Variants in YES1 observed in about 807,000 individuals in gnomAD.
YES1 encodes tyrosine-protein kinase Yes.
YES1 carries 39 observed loss-of-function variants against 70.4 expected under a neutral mutation model. The ratio of observed to expected loss-of-function variants is 0.55; its 90% CI spans 0.43 to 0.72. The LOEUF (loss-of-function observed/expected upper bound fraction) is 0.72. Ranked by LOEUF, YES1 falls within the 30% of genes least tolerant of loss-of-function variation. YES1 has a pLI of 0.00. For synonymous variants in YES1, 198 were observed against 218.6 expected (o/e 0.91, Z 0.83); for missense variants, 495 against 644.8 (o/e 0.77, Z 2.52).
chr18:743,988 T>C (rs910953250), intron 6 of YES1, among the ~76,000 whole-genome samples: 2 of 149,006 alleles, frequency 1.3e-5, no homozygotes, highest in African/African-American at 4.9e-5. Context: ...AAATATATTG[T>C]ATTTACTACT....
At chr18:760,494 C>T (rs1239567525) in intron 1 of YES1, among the ~76,000 whole-genome samples, 1 of 152,038 alleles carries the variant, frequency 6.6e-6, no homozygotes, top group Non-Finnish European at 1.5e-5. Flanking sequence ...ACAACAACAA[C>T]AACAACAAAA....
chr18:730,343 AT>A (rs59787531), intron 11 of YES1, among the ~76,000 whole-genome samples: 3,154 of 132,208 alleles, frequency 0.024, 76 homozygotes, highest in African/African-American at 0.069. Context: ...ACCCAAGAGG[AT>A]TTTTTTTTTT....
At position 756,797 on chromosome 18, in the gene YES1, T is replaced by A; in HGVS notation, c.31A>T (p.Ser11Cys). Residue 11 changes from serine to cysteine, a missense_variant, in exon 2 of 12, where the codon AGT becomes TGT. By Grantham distance (112) the Ser-to-Cys change is moderately radical (BLOSUM62 -1). Around this residue, in one of 2 missense-constraint regions of YES1, gnomAD observed 110 missense variants for 104.0 expected, o/e 1.06. Coordinates refer to ENST00000314574, the MANE Select transcript of YES1 (RefSeq NM_005433.4). MGCIKSKENK[S>C]PAIKYRPENT... ...TCAGGTCTGTATTTAATGGCTGGAC[T>A]TTTGTTTTCTTTACTTTTAATGCAG... The A allele has an allele frequency of 6.2e-7, 1 of 1,614,058 alleles. No individual in the cohort carries two copies. The highest frequency in any genetic ancestry group is 8.5e-7 in the Non-Finnish European group (1 of 1,179,984).
chr18:774,150 A>T (rs569061008), intron 1 of YES1, among the ~76,000 whole-genome samples: 2 of 152,218 alleles, frequency 1.3e-5, no homozygotes, highest in African/African-American at 4.8e-5. Flanking sequence ...GCTTTGTAAG[A>T]CATTACCCTC....
chr18:741,817 A>ACAAACAAG (rs2080220052), intron 8 of YES1, among the ~76,000 whole-genome samples: 2 of 152,040 alleles, frequency 1.3e-5, no homozygotes, highest in African/African-American at 4.8e-5. Flanking sequence ...AAAACAACAA[A>ACAAACAAG]CAAACAAGCA....
At chr18:726,230 C>A (rs745358195) in intron 11 of YES1, among the ~76,000 whole-genome samples, 2 of 151,994 alleles carry the variant, frequency 1.3e-5, no homozygotes, top group Non-Finnish European at 1.5e-5. Flanking sequence ...TTGAGACCAT[C>A]CTGGCCAACA....
intron 1 of YES1, among the ~76,000 whole-genome samples, chr18:768,597 G>GT (rs763149862): frequency 3.5e-4 from 54 of 152,122 alleles, no homozygotes; most frequent in African/African-American, 4.8e-5. Flanking sequence ...CATGTGCAGC[G>GT]TAACATTTTG....
chr18:764,566 G>T (rs1404590954), intron 1 of YES1, among the ~76,000 whole-genome samples: 3 of 152,074 alleles, frequency 2.0e-5, no homozygotes, highest in Non-Finnish European at 2.9e-5. Context: ...CCATAATTAA[G>T]GTAGAGGACA....
At chr18:736,585 C>T (rs937289825) in intron 10 of YES1, 45 of 429,752 alleles carry the variant, frequency 1.0e-4, no homozygotes, top group African/African-American at 8.1e-4. Flanking sequence ...GAGGCTACTA[C>T]TTGCTCTATG....
At chr18:733,013 T>C (rs777885053) in intron 10 of YES1, 48 bp from the exon 11 acceptor site, 2 of 1,597,396 alleles carry the variant, frequency 1.3e-6, no homozygotes, top group Middle Eastern at 1.7e-4. Flanking sequence ...AAAAATCTAT[T>C]TGTGTAAACA....
chr18:742,508 C>T (rs558988048), intron 8 of YES1, among the ~76,000 whole-genome samples: 5 of 150,484 alleles, frequency 3.3e-5, no homozygotes, highest in South Asian at 4.2e-4. Context: ...TCCTAGAAGT[C>T]CTGAATATAG....
intron 1 of YES1, among the ~76,000 whole-genome samples, chr18:801,241 C>T (rs920308081): frequency 3.3e-5 from 5 of 152,106 alleles, no homozygotes; most frequent in African/African-American, 1.2e-4. Flanking sequence ...GCTGAGGTGA[C>T]AGGATCGCTT....
chr18:796,375 T>C (rs1407626605), intron 1 of YES1, among the ~76,000 whole-genome samples: 1 of 152,216 alleles, frequency 6.6e-6, no homozygotes, highest in African/African-American at 2.4e-5. Flanking sequence ...TATGTTAAAG[T>C]ATTTATACAG....
chr18:806,180 C>G lies in YES1; in HGVS notation c.-9+5934G>C, dbSNP rs116923188. On this transcript the variant is annotated intron_variant, in intron 1 of 11. Transcript: ENST00000314574. ...TGATTGTCACTACTGTGATGAGATA[C>G]CAAATGCATTTTTTAAAAATCTAGG... is the stretch of plus-strand genomic sequence containing the variant. Among the ~76,000 whole-genome samples, 108 of 152,216 alleles carry G rather than the reference C, an allele frequency of 7.1e-4. No individual in the cohort carries two copies. The East Asian group carries it at 0.019, about 27-fold the overall frequency.
intron 1 of YES1, among the ~76,000 whole-genome samples, chr18:803,380 C>T (rs781614550): frequency 6.6e-6 from 1 of 152,178 alleles, no homozygotes; most frequent in East Asian, 1.9e-4. Context: ...TTTCCCTACC[C>T]AATGCCAAAG....
upstream of YES1, among the ~76,000 whole-genome samples, chr18:812,716 C>A (rs1907480120): frequency 6.6e-6 from 1 of 152,184 alleles, no homozygotes; most frequent in South Asian, 2.1e-4. Flanking sequence ...CCGATTCTGC[C>A]CCTCTGCCTT....
rs536766312 is a variant in YES1, at chr18:757,478, G to A, written c.-8-643C>T. Among the ~76,000 whole-genome samples, 4 of 149,714 alleles carry A rather than the reference G, an allele frequency of 2.7e-5. No homozygotes were observed. The East Asian group carries it at 5.8e-4, about 22-fold the overall frequency. On this transcript the variant is annotated intron_variant, in intron 1 of 11. Transcript: ENST00000314574. ...AGATCGCGCCACTGCACTCCAGCCT[G>A]GGCGACAGAGCGAGACTCCGTCTCA...
intron 1 of YES1, among the ~76,000 whole-genome samples, chr18:792,410 G>A (rs1348515813): frequency 6.6e-6 from 1 of 152,128 alleles, no homozygotes; most frequent in African/African-American, 2.4e-5. Context: ...GCACACATCT[G>A]TAGTCCCAGC....
chr18:808,006 A>G (rs994965289), intron 1 of YES1, among the ~76,000 whole-genome samples: 7 of 152,102 alleles, frequency 4.6e-5, no homozygotes, highest in Admixed American at 6.6e-5. Context: ...TTTGGGGGGG[A>G]AAAGGAGTTG....
Sources: allele counts gnomAD v4.1 joint callset (sites outside exome capture counted in the v4.1 genomes callset), GRCh38; gene constraint gnomAD v4.1.1; regional missense constraint gnomAD v4.1.1; transcripts MANE v1.5; gene names NCBI Gene and HGNC (gene_info 2026-07-23, HGNC 2026-07-21).